TIMP2: variants seen among roughly 807,000 people sequenced by gnomAD.
TIMP2 encodes metalloproteinase inhibitor 2.
Under a neutral mutation model 24.3 loss-of-function variants are expected in TIMP2, and 5 were observed. That is an observed-to-expected ratio of 0.21 (90% CI 0.11 to 0.43). The LOEUF is 0.43. TIMP2 is among the 20% of genes least tolerant of loss of function. The pLI, the probability that TIMP2 is intolerant of heterozygous loss-of-function variation, is 1.00. For synonymous variants in TIMP2, 130 were observed against 123.2 expected, an observed-to-expected ratio of 1.06 and a Z score of -0.37; for missense variants, 221 against 297.5, an observed-to-expected ratio of 0.74 and a Z score of 1.89.
chr17:78,882,944 G>C (rs760237005), intron 1 of TIMP2, among the ~76,000 whole-genome samples: 1 of 152,222 alleles, frequency 6.6e-6, no homozygotes, highest in Non-Finnish European at 1.5e-5. Flanking sequence ...GCCCTTCCTC[G>C]GCCCCTTCAT....
intron 3 of TIMP2, among the ~76,000 whole-genome samples, chr17:78,859,884 C>T (rs1038865661): frequency 4.6e-5 from 7 of 151,860 alleles, no homozygotes; most frequent in Non-Finnish European, 7.4e-5. Flanking sequence ...CCCAGCTACT[C>T]GGGAGGCTGA....
At position 78,870,910 on chromosome 17, in the gene TIMP2, ATTCC is replaced by A; in HGVS notation, c.324_327del (p.Lys108AsnfsTer28). 6.2e-7 allele frequency: 1 copy of A among 1,613,854 alleles called. No homozygotes were observed. Among genetic ancestry groups the A allele is most frequent in the Non-Finnish European group, 8.5e-7 (1 of 1,179,880 alleles). On this transcript the variant is annotated frameshift_variant, in exon 3 of 5. Coordinates refer to ENST00000262768, the MANE Select transcript of TIMP2 (RefSeq NM_003255.5). LOFTEE classifies it high-confidence loss of function. The stretch of plus-strand genomic sequence containing the variant: ...CACTCATACACACCTGCAATGAGAT[ATTCC>A]TTCTTTCCTCCAACGTCCAGCGAGA...
intron 1 of TIMP2, among the ~76,000 whole-genome samples, chr17:78,885,930 G>C (rs117647110): frequency 3.3e-5 from 5 of 152,304 alleles, no homozygotes; most frequent in African/African-American, 7.2e-5. Context: ...GGTGACCAAG[G>C]GGGGAGGGGA....
At chr17:78,909,816 G>A (rs2070192174) in intron 1 of TIMP2, among the ~76,000 whole-genome samples, 1 of 151,732 alleles carries the variant, frequency 6.6e-6, no homozygotes, top group African/African-American at 2.4e-5. Context: ...ACAACATTAC[G>A]GGACCCAGGC....
At chr17:78,911,218 C>T (rs1599175166) in intron 1 of TIMP2, among the ~76,000 whole-genome samples, 2 of 152,050 alleles carry the variant, frequency 1.3e-5, no homozygotes, top group African/African-American at 2.4e-5. Flanking sequence ...ACCAGGCTGT[C>T]GCAGGAGAAA....
At chr17:78,892,321 T>C (rs1213430725) in intron 1 of TIMP2, 3 of 1,550,498 alleles carry the variant, frequency 1.9e-6, no homozygotes, top group African/African-American at 2.7e-5. Flanking sequence ...GCCACATGGC[T>C]CCATCCATGT....
At chr17:78,913,374 AGAG>A (rs2070225902) in intron 1 of TIMP2, among the ~76,000 whole-genome samples, 1 of 152,152 alleles carries the variant, frequency 6.6e-6, no homozygotes, top group Non-Finnish European at 1.5e-5. Context: ...TGTGCACTTT[AGAG>A]GAGTGACCTC....
chr17:78,892,012 C>A (rs755011713), intron 1 of TIMP2: 1 of 1,550,696 alleles, frequency 6.4e-7, no homozygotes, highest in African/African-American at 1.4e-5. Context: ...CCTTGGCCCT[C>A]GGGGGCCTGG....
In TIMP2 at chr17:78,870,895, C is replaced by T. The variant is rs753135553; in HGVS notation, c.340+3G>A. The T allele has an allele frequency of 1.9e-6, 3 of 1,612,436 alleles. No homozygotes were observed. In the African/African-American group the frequency reaches 4.0e-5, roughly 22 times the overall value. Reference sequence around the variant, plus strand: ...TCCGGCTGATGGCCCCACTCATACACACCTGCAATGAGATATTCCTTCTTT... The same window carrying T: ...TCCGGCTGATGGCCCCACTCATACATACCTGCAATGAGATATTCCTTCTTT... On this transcript the variant is annotated splice_donor_region_variant and intron_variant, in intron 3 of 4. Coordinates refer to ENST00000262768, the MANE Select transcript of TIMP2 (RefSeq NM_003255.5).
At chr17:78,865,547 C>T (rs964541411) in intron 3 of TIMP2, among the ~76,000 whole-genome samples, 10 of 151,668 alleles carry the variant, frequency 6.6e-5, no homozygotes, top group South Asian at 2.1e-4. Flanking sequence ...TCACTTGAAC[C>T]CGGGAGGCAG....
At chr17:78,880,883 AC>A (rs1306273464) in intron 1 of TIMP2, among the ~76,000 whole-genome samples, 1 of 152,222 alleles carries the variant, frequency 6.6e-6, no homozygotes, top group Non-Finnish European at 1.5e-5. Flanking sequence ...CAAGTTTGGG[AC>A]AGGCAAACCG....
chr17:78,864,351 C>T (rs564448333), intron 3 of TIMP2, among the ~76,000 whole-genome samples: 2 of 151,340 alleles, frequency 1.3e-5, no homozygotes, highest in African/African-American at 4.9e-5. Context: ...CCTTCCCTTC[C>T]TCCCTTCCTC....
At chr17:78,890,801 T>C in intron 1 of TIMP2, 2 of 1,550,642 alleles carry the variant, frequency 1.3e-6, no homozygotes, top group Non-Finnish European at 1.7e-6. Flanking sequence ...GGTGCTGAGC[T>C]CAGATCCTCT....
intron 1 of TIMP2, among the ~76,000 whole-genome samples, chr17:78,889,588 T>C (rs528575173): frequency 6.6e-6 from 1 of 152,366 alleles, no homozygotes; most frequent in East Asian, 1.9e-4. Context: ...CGTCTGACCT[T>C]GGGTGCCCCT....
In TIMP2 at chr17:78,870,977, C is replaced by T. The variant is rs2145753792; in HGVS notation, c.261G>A (p.Glu87=). 4 of 1,613,612 alleles carry T rather than the reference C, an allele frequency of 2.5e-6. No individual in the cohort carries two copies. Among genetic ancestry groups the T allele is most frequent in the Non-Finnish European group, 3.4e-6 (4 of 1,179,816 alleles). Residue 87 remains glutamate, a synonymous_variant, in exon 3 of 5, where the codon GAG becomes GAA. Transcript: ENST00000262768. ...KMFKGPEKDI[E]FIYTAPSSAV... is the part of the protein sequence containing the mutation. ...CCGAGGAGGGGGCCGTGTAGATAAA[C>T]TCTATATCCTTCTCAGGCCCTTTGA... is the stretch of plus-strand genomic sequence containing the variant.
rs192390909 is a variant in TIMP2 at position 78,912,957 on chromosome 17, T to C, written c.130+12002A>G. Among the ~76,000 whole-genome samples, 302 of 152,230 alleles carry C rather than the reference T, an allele frequency of 2.0e-3. 1 individual carries two copies. The highest frequency in any genetic ancestry group is 6.8e-3 in the Middle Eastern group (2 of 294). On this transcript the variant is annotated intron_variant, in intron 1 of 4. Coordinates refer to ENST00000262768, the MANE Select transcript of TIMP2 (RefSeq NM_003255.5). ...CCGTGGCACAAGCCTGTAATCCCAG[T>C]ACTTTGGGAGGCCGAGGCGGGCAGA...
At chr17:78,902,399 T>C (rs1197931516) in intron 1 of TIMP2, among the ~76,000 whole-genome samples, 7 of 152,192 alleles carry the variant, frequency 4.6e-5, no homozygotes, top group Non-Finnish European at 1.0e-4. Flanking sequence ...TGAGCCACCA[T>C]GCCCAGCCTG....
chr17:78,902,145 T>C (rs996832811), intron 1 of TIMP2, among the ~76,000 whole-genome samples: 7 of 152,182 alleles, frequency 4.6e-5, no homozygotes, highest in Admixed American at 4.6e-4. Context: ...TTCACTATGT[T>C]GCCCAGGCTG....
At chr17:78,888,073 A>G (rs938406004) in intron 1 of TIMP2, among the ~76,000 whole-genome samples, 1 of 152,210 alleles carries the variant, frequency 6.6e-6, no homozygotes, top group Non-Finnish European at 1.5e-5. Context: ...AAGTAAAACT[A>G]AACACTATGT....
Sources: gnomAD v4.1 joint callset for allele counts (sites outside exome capture counted in the v4.1 genomes callset) on GRCh38, gnomAD v4.1.1 for gene constraint, MANE v1.5 for transcripts, NCBI Gene and HGNC (gene_info 2026-07-23, HGNC 2026-07-21) for gene names.